The following STS variants were observed in gnomAD, a reference collection of about 807,000 sequenced individuals.
The protein encoded by STS is steroid sulfatase.
STS carries 7 observed loss-of-function variants against 26.8 expected under a neutral mutation model. The ratio of observed to expected loss-of-function variants is 0.26; its 90% CI spans 0.15 to 0.49. The LOEUF is 0.49. STS is among the 20% of genes least tolerant of loss of function. The pLI is 0.98. For missense variants in STS, 434 were observed against 465.6 expected, an observed-to-expected ratio of 0.93 and a Z score of 0.63; for synonymous variants, 199 against 189.4, an observed-to-expected ratio of 1.05 and a Z score of -0.42.
At chrX:7,188,976 A>G (rs1933823235) in intron 1 of STS, among the ~76,000 whole-genome samples, 1 of 111,358 alleles carries the variant, frequency 9.0e-6, no homozygotes, top group Non-Finnish European at 1.9e-5. Context: ...ATGAAAAGCC[A>G]TGCTGGAAGA....
chrX:7,297,450 T>TA (rs1399449618), intron 7 of STS, among the ~76,000 whole-genome samples: 1 of 111,638 alleles, frequency 9.0e-6, no homozygotes, highest in Non-Finnish European at 1.9e-5. Context: ...CAGAATTCTT[T>TA]AAAAAATTGT....
intron 2 of STS, among the ~76,000 whole-genome samples, chrX:7,231,285 G>A (rs1311953208): frequency 1.8e-5 from 2 of 112,222 alleles, no homozygotes; most frequent in Admixed American, 1.9e-4. Context: ...GTACAACATT[G>A]TTGTACAATT....
In STS at chrX:7,318,764, T is replaced by A. The variant is rs188019989; in HGVS notation, c.1082-6575T>A. Among the ~76,000 whole-genome samples the A allele has an allele frequency of 1.9e-4, 21 of 111,056 alleles. No homozygotes were observed. The East Asian group carries it at 5.7e-3, about 30-fold the overall frequency. On this transcript the variant is annotated intron_variant, in intron 8 of 10. Transcript: ENST00000674429. Reference sequence around the variant, plus strand: ...ACCATTCAGGTGGTCAGTAGGTGGCTAGATCTAGGGGCTACAGGCACAGCT... The same window carrying A: ...ACCATTCAGGTGGTCAGTAGGTGGCAAGATCTAGGGGCTACAGGCACAGCT...
chrX:7,293,259 T>C (rs1298383620), intron 7 of STS, among the ~76,000 whole-genome samples: 6 of 112,148 alleles, frequency 5.4e-5, no homozygotes, highest in African/African-American at 1.9e-4. Context: ...TTTATTGGAC[T>C]TCTTTACTTG....
rs1337088160 is a variant in STS at position 7,303,596 on chromosome X, A to T, written c.944-1450A>T. On this transcript the variant is annotated intron_variant, in intron 7 of 10. Coordinates refer to ENST00000674429, the MANE Select transcript of STS (RefSeq NM_001320752.2). ...GCTTAAAAACTCTTAGCACTCAAAC[A>T]TTAAGAAATGGAGTCAGGCTCTAAT... 8.0e-4 allele frequency among the ~76,000 whole-genome samples: 89 copies of T among 111,278 alleles called. 1 individual carries two copies. The highest frequency in any genetic ancestry group is 1.3e-4 in the Non-Finnish European group (7 of 53,102).
intron 7 of STS, among the ~76,000 whole-genome samples, chrX:7,300,491 A>C (rs1024529136): frequency 7.1e-5 from 8 of 112,028 alleles, no homozygotes; most frequent in Non-Finnish European, 1.5e-4. Context: ...TTAGGAGGGA[A>C]ACATGTTAGA....
chrX:7,155,133 ACT>A (rs1490956557), intron 1 of STS, among the ~76,000 whole-genome samples: 10 of 107,884 alleles, frequency 9.3e-5, no homozygotes, highest in African/African-American at 3.4e-4. Context: ...TTCACTTGAA[ACT>A]CTCCCATTTC....
intron 8 of STS, among the ~76,000 whole-genome samples, chrX:7,318,350 G>T (rs1429419735): frequency 9.0e-6 from 1 of 110,891 alleles, no homozygotes; most frequent in Non-Finnish European, 1.9e-5. Context: ...ACACAATATC[G>T]CAGGAGGAAG....
chrX:7,300,849 CA>C lies in STS; in HGVS notation c.944-4196del, dbSNP rs763245496. Among the ~76,000 whole-genome samples, 604 of 111,088 alleles carry C rather than the reference CA, an allele frequency of 5.4e-3. 6 individuals are homozygous for C. The highest frequency in any genetic ancestry group is 0.019 in the African/African-American group (586 of 30,607). ...AATATTGGAATTTGGAGGAGATATC[CA>C]GGGATAAGCATTAAGATGGGGAAGG... On this transcript the variant is annotated intron_variant, in intron 7 of 10. Transcript: ENST00000674429.
intron 2 of STS, among the ~76,000 whole-genome samples, chrX:7,208,183 A>G (rs1920963800): frequency 8.9e-6 from 1 of 112,759 alleles, no homozygotes; most frequent in African/African-American, 3.2e-5. Flanking sequence ...ATTTCTCTCC[A>G]AGAGATAATG....
chrX:7,210,673 G>T (rs1921004474), intron 2 of STS, among the ~76,000 whole-genome samples: 1 of 105,236 alleles, frequency 9.5e-6, no homozygotes, highest in African/African-American at 3.4e-5. Context: ...ATATATACTA[G>T]GTGTTATATG....
chrX:7,267,490 TTA>T (rs1314622109), intron 6 of STS, among the ~76,000 whole-genome samples: 1 of 112,384 alleles, frequency 8.9e-6, no homozygotes, highest in African/African-American at 3.2e-5. Context: ...GATTCATGTT[TTA>T]TGTCTTCAAT....
rs1465671144 is a variant in STS, at chrX:7,291,025, T to G, written c.944-14021T>G. ...AGGGGAGCAAATGGCCATAGCTCTC[T>G]TAGGGCACAATTTCGTGTGTTCGAG... On this transcript the variant is annotated intron_variant, in intron 7 of 10. Transcript: ENST00000674429. Among the ~76,000 whole-genome samples, 9 of 111,879 alleles carry G rather than the reference T, an allele frequency of 8.0e-5. No homozygotes were observed. The Admixed American group carries it at 8.6e-4, about 11-fold the overall frequency.
At chrX:7,314,808 C>T (rs1926642171) in intron 8 of STS, among the ~76,000 whole-genome samples, 1 of 111,788 alleles carries the variant, frequency 8.9e-6, no homozygotes, top group Non-Finnish European at 1.9e-5. Flanking sequence ...GTTGGGATTC[C>T]GGGACAGCAA....
chrX:7,345,202 T>G (rs2147191080), intron 10 of STS, among the ~76,000 whole-genome samples: 1 of 111,323 alleles, frequency 9.0e-6, no homozygotes, highest in South Asian at 3.8e-4. Flanking sequence ...GCAGATGAAC[T>G]GGGGAGAAAG....
rs1201356772 is a variant in STS at position 7,224,951 on chromosome X, G to A, written c.-4-28245G>A. On this transcript the variant is annotated intron_variant, in intron 2 of 10. Coordinates refer to ENST00000674429, the MANE Select transcript of STS (RefSeq NM_001320752.2). ...TCTTCCCTGTAATTTTCTCTGCATGGCACTTGCAGTTTCACCAGTGGGCTA... is the reference window on the plus strand; with the variant it reads ...TCTTCCCTGTAATTTTCTCTGCATGACACTTGCAGTTTCACCAGTGGGCTA... Among the ~76,000 whole-genome samples the A allele has an allele frequency of 2.7e-5, 3 of 111,966 alleles. No homozygotes were observed. The Admixed American group carries it at 2.8e-4, about 11-fold the overall frequency.
At chrX:7,312,842 A>G (rs576856582) in intron 8 of STS, among the ~76,000 whole-genome samples, 20 of 112,420 alleles carry the variant, frequency 1.8e-4, no homozygotes, top group East Asian at 1.1e-3. Context: ...TAATACAAAT[A>G]GTGAACACTT....
At chrX:7,159,435 C>T (rs1297071343) in intron 1 of STS, among the ~76,000 whole-genome samples, 1 of 112,158 alleles carries the variant, frequency 8.9e-6, no homozygotes, top group Non-Finnish European at 1.9e-5. Flanking sequence ...CTCCACAGAT[C>T]ATTAAAAACA....
intron 10 of STS, among the ~76,000 whole-genome samples, chrX:7,343,396 T>G (rs917080478): frequency 8.9e-6 from 1 of 112,604 alleles, no homozygotes; most frequent in East Asian, 2.8e-4. Flanking sequence ...CTGAATTGTT[T>G]CTTGCGTAAA....
Sources: gnomAD v4.1 joint callset for allele counts (sites outside exome capture counted in the v4.1 genomes callset) on GRCh38, gnomAD v4.1.1 for gene constraint, MANE v1.5 for transcripts, NCBI Gene and HGNC (gene_info 2026-07-23, HGNC 2026-07-21) for gene names.